The following NRG1 variants were observed in gnomAD, a reference collection of about 807,000 sequenced individuals.
NRG1 encodes the protein pro-neuregulin-1, membrane-bound isoform.
NRG1 carries 18 observed loss-of-function variants against 63.8 expected under a neutral mutation model. The observed-to-expected ratio is 0.28, with a 90% CI of 0.19 to 0.42. NRG1 has a LOEUF of 0.42. NRG1 is among the 10% of genes least tolerant of loss of function. The pLI is 1.00. For missense variants in NRG1, 762 were observed against 814.7 expected (o/e 0.94, Z 0.79); for synonymous variants, 302 against 301.3 (o/e 1.00, Z -0.02).
At chr8:32,569,297 C>T (rs1044997198) in intron 1 of NRG1, among the ~76,000 whole-genome samples, 1 of 152,204 alleles carries the variant, frequency 6.6e-6, no homozygotes, top group Non-Finnish European at 1.5e-5. Context: ...GATCCGCCCA[C>T]CTTGGCCTCC....
chr8:32,055,602 A>G (rs1361055162), intron 1 of NRG1, among the ~76,000 whole-genome samples: 1 of 151,338 alleles, frequency 6.6e-6, no homozygotes, highest in African/African-American at 2.4e-5. Flanking sequence ...ATCTGAGTTC[A>G]TTTTTTTTCT....
intron 1 of NRG1, among the ~76,000 whole-genome samples, chr8:32,535,599 G>A (rs1252204761): frequency 6.6e-6 from 1 of 152,160 alleles, no homozygotes; most frequent in Non-Finnish European, 1.5e-5. Flanking sequence ...CATGTTCTGT[G>A]AATCTGGCTG....
At chr8:32,314,960 C>G (rs974609422) in intron 1 of NRG1, among the ~76,000 whole-genome samples, 6 of 152,238 alleles carry the variant, frequency 3.9e-5, no homozygotes, top group Admixed American at 3.9e-4. Flanking sequence ...TCTGACTGTT[C>G]TGGTTTCACC....
rs185921701 is a variant in NRG1, at chr8:32,763,807, G to A, written c.1319G>A (p.Ser440Asn). The A allele has an allele frequency of 2.8e-5, 44 of 1,597,148 alleles. No individual in the cohort carries two copies. In the Admixed American group the frequency reaches 7.4e-4, roughly 27 times the overall value. Residue 440 changes from serine (S) to asparagine (N), a missense_variant, in exon 12 of 12, where the codon AGC becomes AAC. Coordinates refer to ENST00000356819, the Ensembl canonical transcript of NRG1. The stretch of plus-strand genomic sequence containing the variant: ...TCACCTGTAGATTTCCACACGCCAA[G>A]CTCCCCCAAATCGCCCCCTTCGGAA...
chr8:32,040,593 GTA>G lies in NRG1; in HGVS notation c.37+401166_37+401167del, dbSNP rs202086017. ...TGTTTGTCTGGTTGTGTGTGTGTGT[GTA>G]TATGTATATATGCATATATACACAT... On this transcript the variant is annotated intron_variant, in intron 1 of 10. Coordinates refer to the NRG1 transcript ENST00000519301. Among the ~76,000 whole-genome samples the G allele has an allele frequency of 7.8e-3, 1,103 of 141,764 alleles. 19 individuals are homozygous for G. Among genetic ancestry groups the G allele is most frequent in the African/African-American group, 0.027 (1,054 of 38,938 alleles). The allele number at this position is 141,764 out of a possible 152,430, so 93.0% of individuals were successfully genotyped here. A position where few individuals can be genotyped will look rare whatever the true frequency, so the allele number is the denominator to read the frequency against.
intron 1 of NRG1, among the ~76,000 whole-genome samples, chr8:32,455,280 C>T (rs982913757): frequency 1.3e-5 from 2 of 152,146 alleles, no homozygotes; most frequent in South Asian, 2.1e-4. Flanking sequence ...AGGTACCATA[C>T]GTGATCCTAC....
At chr8:31,774,014 TAAA>T in intron 1 of NRG1, among the ~76,000 whole-genome samples, 1 of 145,216 alleles carries the variant, frequency 6.9e-6, no homozygotes, top group African/African-American at 2.5e-5. Flanking sequence ...GTGTTAAAAT[TAAA>T]AAAAAAAAGA....
chr8:32,200,074 C>T (rs557263182), intron 1 of NRG1, among the ~76,000 whole-genome samples: 52 of 152,276 alleles, frequency 3.4e-4, no homozygotes, highest in African/African-American at 9.6e-4. Context: ...CCACTGCACC[C>T]GGCCTGTTTT....
intron 1 of NRG1, among the ~76,000 whole-genome samples, chr8:32,275,238 A>C (rs74756526): frequency 6.6e-6 from 1 of 152,168 alleles, no homozygotes; most frequent in African/African-American, 2.4e-5. Context: ...CCATTCAGTC[A>C]ACAGTGATTT....
chr8:32,257,331 GA>G (rs535593493), intron 1 of NRG1, among the ~76,000 whole-genome samples: 44 of 152,038 alleles, frequency 2.9e-4, no homozygotes, highest in Middle Eastern at 6.8e-3. Flanking sequence ...CCACTGGTAT[GA>G]AAAAAAACTC....
At chr8:32,477,244 G>A (rs920581166) in intron 1 of NRG1, among the ~76,000 whole-genome samples, 2 of 152,166 alleles carry the variant, frequency 1.3e-5, no homozygotes, top group Admixed American at 6.6e-5. Context: ...CTGGAAAGCC[G>A]GCTGCAAGAT....
intron 1 of NRG1, among the ~76,000 whole-genome samples, chr8:32,404,044 C>T (rs1222311889): frequency 1.3e-5 from 2 of 152,118 alleles, no homozygotes; most frequent in African/African-American, 4.8e-5. Context: ...ATAAATATAC[C>T]CCAGCAATGG....
At chr8:31,937,517 G>C (rs1801084588) in intron 1 of NRG1, among the ~76,000 whole-genome samples, 1 of 152,178 alleles carries the variant, frequency 6.6e-6, no homozygotes, top group Non-Finnish European at 1.5e-5. Context: ...AGAATCCACA[G>C]ACCCTTTGAG....
intron 1 of NRG1, among the ~76,000 whole-genome samples, chr8:31,951,883 G>A (rs546757964): frequency 6.6e-6 from 1 of 152,200 alleles, no homozygotes; most frequent in East Asian, 1.9e-4. Context: ...AATATTCTTG[G>A]TTTACGTCAA....
intron 1 of NRG1, among the ~76,000 whole-genome samples, chr8:32,586,395 A>G (rs897498866): frequency 1.2e-4 from 19 of 152,154 alleles, no homozygotes; most frequent in African/African-American, 4.6e-4. Flanking sequence ...ACTAATTTCA[A>G]TTATCAGGGT....
chr8:32,634,254 A>G (rs1019716406), intron 5 of NRG1, among the ~76,000 whole-genome samples: 5 of 152,092 alleles, frequency 3.3e-5, no homozygotes, highest in African/African-American at 9.7e-5. Context: ...TTCCCTTTTC[A>G]TTTTATTTTA....
At chr8:32,152,001 C>G (rs1032504983) in intron 1 of NRG1, among the ~76,000 whole-genome samples, 7 of 152,140 alleles carry the variant, frequency 4.6e-5, no homozygotes, top group African/African-American at 1.7e-4. Flanking sequence ...GCGAAGTGCA[C>G]AAAATTTAAA....
intron 1 of NRG1, among the ~76,000 whole-genome samples, chr8:32,126,302 T>C (rs1375591130): frequency 6.6e-6 from 1 of 151,904 alleles, no homozygotes; most frequent in Non-Finnish European, 1.5e-5. Flanking sequence ...TAAGATGCTA[T>C]TGGGCAACAA....
chr8:32,674,347 A>G (rs935611210), intron 5 of NRG1, among the ~76,000 whole-genome samples: 1 of 152,220 alleles, frequency 6.6e-6, no homozygotes, highest in Non-Finnish European at 1.5e-5. Flanking sequence ...TAAAAAGCTC[A>G]TGAAATTTCT....
Sources: gnomAD v4.1 joint callset for allele counts (sites outside exome capture counted in the v4.1 genomes callset) on GRCh38, gnomAD v4.1.1 for gene constraint, MANE v1.5 for transcripts, NCBI Gene and HGNC (gene_info 2026-07-23, HGNC 2026-07-21) for gene names.